STAT1: variants seen among roughly 807,000 people sequenced by gnomAD.
STAT1 encodes signal transducer and activator of transcription 1-alpha/beta.
In STAT1, 24 loss-of-function variants were observed where a neutral mutation model predicts 111.7. The ratio of observed to expected loss-of-function variants is 0.21; its 90% CI spans 0.16 to 0.30. The LOEUF (loss-of-function observed/expected upper bound fraction) is 0.30, where lower values mean the gene tolerates loss of function less well. STAT1 is among the 10% of genes least tolerant of loss of function. The probability of loss-of-function intolerance (pLI) is 1.00; values close to 1 mark genes in which losing one functional copy is unlikely to be tolerated. For missense variants in STAT1, 351 were observed against 911.9 expected, an observed-to-expected ratio of 0.38 and a Z score of 7.92; for synonymous variants, 332 against 326.5, an observed-to-expected ratio of 1.02 and a Z score of -0.18.
chr2:190,972,584 A>T (rs1249406239), intron 24 of STAT1, among the ~76,000 whole-genome samples: 2 of 152,096 alleles, frequency 1.3e-5, no homozygotes, highest in Non-Finnish European at 2.9e-5. Flanking sequence ...CAGAGTATAC[A>T]CTCTGATTCT....
rs1451739701 is a variant in STAT1 at position 191,010,013 on chromosome 2, A to G, written c.-1-9T>C. 1 of 1,613,652 alleles carries G rather than the reference A, an allele frequency of 6.2e-7. No homozygotes were observed. Among genetic ancestry groups the G allele is most frequent in the Non-Finnish European group, 8.5e-7 (1 of 1,179,670 alleles). Reference sequence around the variant, plus strand: ...CGTACCACTGAGACATCCTATAGGGAAAAAGAATATACATTCTTTCTATGT... The same window carrying G: ...CGTACCACTGAGACATCCTATAGGGGAAAAGAATATACATTCTTTCTATGT... On this transcript the variant is annotated splice_polypyrimidine_tract_variant and intron_variant, in intron 2 of 24. Coordinates refer to ENST00000361099, the MANE Select transcript of STAT1 (RefSeq NM_007315.4).
At position 191,007,266 on chromosome 2, in the gene STAT1, G is replaced by C. The variant is rs1403574469; in HGVS notation, c.372+297C>G. ...GGCCTTTCCTGACCCTGATCTAAAG[G>C]AACAACCCCACTCCCAGCCACTCCA... On this transcript the variant is annotated intron_variant, in intron 5 of 24. Coordinates refer to ENST00000361099, the MANE Select transcript of STAT1 (RefSeq NM_007315.4). This position sits in a 1 kb window ranked among gnomAD's most constrained non-coding sequence, Gnocchi z 4.2. 6.6e-6 allele frequency among the ~76,000 whole-genome samples: 1 copy of C among 152,016 alleles called. No homozygotes were observed. The highest frequency in any genetic ancestry group is 1.9e-4 in the East Asian group (1 of 5,192).
At chr2:191,009,349 A>G (rs1694952675) in intron 3 of STAT1, among the ~76,000 whole-genome samples, 1 of 152,236 alleles carries the variant, frequency 6.6e-6, no homozygotes, top group South Asian at 2.1e-4. Context: ...GTTCATGGTG[A>G]CTATCTCTGA....
rs1694818320 is a variant in STAT1, at chr2:191,007,783, T to A, written c.274-122A>T. The A allele has an allele frequency of 1.3e-6, 1 of 740,796 alleles. No homozygotes were observed. The highest frequency in any genetic ancestry group is 2.2e-5 in the Admixed American group (1 of 44,974). 45.9% of individuals were successfully genotyped at this position (740,796 alleles called of 1,614,324 possible). On this transcript the variant is annotated intron_variant, in intron 4 of 24. Coordinates refer to ENST00000361099, the MANE Select transcript of STAT1 (RefSeq NM_007315.4). The surrounding 1 kb of genome is among the most constrained non-coding windows in gnomAD (Gnocchi z 4.2). The stretch of plus-strand genomic sequence containing the variant: ...GAAACCTCATCTCTCATCTATTAAA[T>A]TCTATATAAGCTATGTTTGTTAAAA...
rs1234776852 is a variant in STAT1 at position 190,973,997 on chromosome 2, C to T, written c.2238+833G>A. Among the ~76,000 whole-genome samples, 3 of 152,082 alleles carry T rather than the reference C, an allele frequency of 2.0e-5. No homozygotes were observed. Among genetic ancestry groups the T allele is most frequent in the Admixed American group, 2.0e-4 (3 of 15,270 alleles). ...TGTTGAGCACCTACTTTTTGCCAGG[C>T]ACCGGGTATACAGTAAGGAAGAAAG... On this transcript the variant is annotated intron_variant, in intron 24 of 24. Transcript: ENST00000361099. The surrounding 1 kb of genome is among the most constrained non-coding windows in gnomAD (Gnocchi z 4.4).
In STAT1 at chr2:191,010,853, T is replaced by G. The variant is rs148972366; in HGVS notation, c.-1-849A>C. Among the ~76,000 whole-genome samples, 11 of 152,356 alleles carry G rather than the reference T, an allele frequency of 7.2e-5. No homozygotes were observed. In the East Asian group the frequency reaches 2.1e-3, roughly 29 times the overall value. Reference sequence around the variant, plus strand: ...AACTGTTAAGTCCATTTTTACATAGTGATCCTAAAGATTCAAAATCACAAC... The same window carrying G: ...AACTGTTAAGTCCATTTTTACATAGGGATCCTAAAGATTCAAAATCACAAC... On this transcript the variant is annotated intron_variant, in intron 2 of 24. Transcript: ENST00000361099.
At chr2:191,013,503 GA>G (rs781609481) in intron 2 of STAT1, 21 bp downstream of exon 2, 19 of 397,476 alleles carry the variant, frequency 4.8e-5, no homozygotes, top group Non-Finnish European at 8.4e-5. Context: ...TCATTCATCT[GA>G]TTCCATGAAC....
chr2:190,970,848 T>C lies in STAT1; in HGVS notation c.2239-131A>G, dbSNP rs1234176563. 4.3e-5 allele frequency: 38 copies of C among 881,064 alleles called. No homozygotes were observed. Among genetic ancestry groups the C allele is most frequent in the Non-Finnish European group, 5.9e-5 (32 of 540,774 alleles). The allele number at this position is 881,064 out of a possible 1,614,324, so 54.6% of individuals were successfully genotyped here. On this transcript the variant is annotated intron_variant, in intron 24 of 24. Transcript: ENST00000361099. The surrounding 1 kb of genome is among the most constrained non-coding windows in gnomAD (Gnocchi z 5.4). The stretch of plus-strand genomic sequence containing the variant: ...TACTTGCAATGGCAAATAAATACCG[T>C]GGAATAAGAGGGCCTTCAGCATGTA...
chr2:191,005,933 C>A lies in STAT1; in HGVS notation c.372+1630G>T, dbSNP rs1694655282. ...TGTCCTCTGAGAGGCTCAAAACAAT[C>A]CCCAGATTACCTACATTTTTAATGG... On this transcript the variant is annotated intron_variant, in intron 5 of 24. Coordinates refer to ENST00000361099, the MANE Select transcript of STAT1 (RefSeq NM_007315.4). Among the ~76,000 whole-genome samples, 6 of 152,254 alleles carry A rather than the reference C, an allele frequency of 3.9e-5. 1 individual carries two copies. In the South Asian group the frequency reaches 1.2e-3, roughly 32 times the overall value.
chr2:190,992,990 A>C (rs1422746089), intron 10 of STAT1: 2 of 257,162 alleles, frequency 7.8e-6, no homozygotes, highest in Non-Finnish European at 1.5e-5. Flanking sequence ...GGGTTTCATC[A>C]TGTTGGCCAG....
At position 191,003,586 on chromosome 2, in the gene STAT1, C is replaced by G. The variant is rs1694448250; in HGVS notation, c.373-2423G>C. Among the ~76,000 whole-genome samples the G allele has an allele frequency of 6.6e-6, 1 of 152,198 alleles. No homozygotes were observed. Among genetic ancestry groups the G allele is most frequent in the African/African-American group, 2.4e-5 (1 of 41,450 alleles). ...GTGGAGCACCTCTCCCCTGCTTCCT[C>G]CTGCTCTGGCCATGTGATATGTGTG... On this transcript the variant is annotated intron_variant, in intron 5 of 24. Coordinates refer to ENST00000361099, the MANE Select transcript of STAT1 (RefSeq NM_007315.4). This position sits in a 1 kb window ranked among gnomAD's most constrained non-coding sequence, Gnocchi z 4.0.
chr2:190,979,682 C>G lies in STAT1; in HGVS notation c.1727+90G>C. ...GCACTCCTGTGAGATTCACACACGC[C>G]TAGTCAAATACTGAAGCTGGACTCA... On this transcript the variant is annotated intron_variant, in intron 20 of 24. Transcript: ENST00000361099. The surrounding 1 kb of genome is among the most constrained non-coding windows in gnomAD (Gnocchi z 5.8). 9.6e-7 allele frequency: 1 copy of G among 1,041,778 alleles called. No individual in the cohort carries two copies. The highest frequency in any genetic ancestry group is 1.5e-6 in the Non-Finnish European group (1 of 662,792). The allele number at this position is 1,041,778 out of a possible 1,614,324, so 64.5% of individuals were successfully genotyped here.
chr2:190,990,730 C>G lies in STAT1; in HGVS notation c.1037+498G>C, dbSNP rs1051040321. ...ATATTTGTGTAGACATGGACAAAAT[C>G]CTGGGAGGACAGACACTAGGCCATT... On this transcript the variant is annotated intron_variant, in intron 11 of 24. Coordinates refer to ENST00000361099, the MANE Select transcript of STAT1 (RefSeq NM_007315.4). This position sits in a 1 kb window ranked among gnomAD's most constrained non-coding sequence, Gnocchi z 5.1. Among the ~76,000 whole-genome samples, 5 of 152,090 alleles carry G rather than the reference C, an allele frequency of 3.3e-5. No individual in the cohort carries two copies. The highest frequency in any genetic ancestry group is 1.2e-4 in the African/African-American group (5 of 41,400).
rs149091162 is a variant in STAT1, at chr2:190,997,099, G to A, written c.785+757C>T. Among the ~76,000 whole-genome samples the A allele has an allele frequency of 1.0e-3, 154 of 152,236 alleles. No individual in the cohort carries two copies. In the Middle Eastern group the frequency reaches 0.01, roughly 10 times the overall value. Reference sequence around the variant, plus strand: ...GGTCCACTTTCCTTCCCATCTCCCTGGACACCCCACTCTCCAGCCACCCAA... The same window carrying A: ...GGTCCACTTTCCTTCCCATCTCCCTAGACACCCCACTCTCCAGCCACCCAA... On this transcript the variant is annotated intron_variant, in intron 9 of 24. Coordinates refer to ENST00000361099, the MANE Select transcript of STAT1 (RefSeq NM_007315.4). The surrounding 1 kb of genome is among the most constrained non-coding windows in gnomAD (Gnocchi z 7.3).
In STAT1 at chr2:191,000,062, C is replaced by A. The variant is rs967516045; in HGVS notation, c.463-358G>T. Among the ~76,000 whole-genome samples, 1 of 152,192 alleles carries A rather than the reference C, an allele frequency of 6.6e-6. No homozygotes were observed. Among genetic ancestry groups the A allele is most frequent in the Non-Finnish European group, 1.5e-5 (1 of 68,032 alleles). Reference sequence around the variant, plus strand: ...CCACAGCAGGCGGGGAAAAAGCTCACAGAAAATTTCCTCATTCCTTCCAAG... The same window carrying A: ...CCACAGCAGGCGGGGAAAAAGCTCAAAGAAAATTTCCTCATTCCTTCCAAG... On this transcript the variant is annotated intron_variant, in intron 6 of 24. Coordinates refer to ENST00000361099, the MANE Select transcript of STAT1 (RefSeq NM_007315.4). This position sits in a 1 kb window ranked among gnomAD's most constrained non-coding sequence, Gnocchi z 4.8.
rs1691966644 is a variant in STAT1 at position 190,977,123 on chromosome 2, C to A, written c.1874-98G>T. 4.4e-6 allele frequency: 5 copies of A among 1,130,294 alleles called. No individual in the cohort carries two copies. The highest frequency in any genetic ancestry group is 4.0e-6 in the Non-Finnish European group (3 of 749,200). The allele number at this position is 1,130,294 out of a possible 1,614,324, so 70.0% of individuals were successfully genotyped here. ...GCAGAGTTGATGGATTTGAGTGAAC[C>A]TCATAAGAACTAATCACAATCTAAG... On this transcript the variant is annotated intron_variant, in intron 21 of 24. Transcript: ENST00000361099. This position sits in a 1 kb window ranked among gnomAD's most constrained non-coding sequence, Gnocchi z 4.7.
At chr2:190,992,752 C>A in intron 10 of STAT1, 1 of 830,326 alleles carries the variant, frequency 1.2e-6, no homozygotes, top group Non-Finnish European at 1.7e-6. Flanking sequence ...ATCTCAGCTG[C>A]CATCATCATG....
In STAT1 at chr2:190,978,467, G is replaced by A. The variant is rs933146982; in HGVS notation, c.1873+389C>T. 1.7e-5 allele frequency: 5 copies of A among 301,934 alleles called. No homozygotes were observed. Among genetic ancestry groups the A allele is most frequent in the East Asian group, 1.6e-4 (2 of 12,838 alleles). 18.7% of individuals were successfully genotyped at this position (301,934 alleles called of 1,614,324 possible). On this transcript the variant is annotated intron_variant, in intron 21 of 24. Coordinates refer to ENST00000361099, the MANE Select transcript of STAT1 (RefSeq NM_007315.4). The surrounding 1 kb of genome is among the most constrained non-coding windows in gnomAD (Gnocchi z 6.1). ...GATGATGTGTATGAAGTCTTCTCCC[G>A]AAGCCTGTCTCATCTGCACACTCTA...
At chr2:191,009,849 T>G in intron 3 of STAT1, 27 bp downstream of exon 3, 1 of 1,613,216 alleles carries the variant, frequency 6.2e-7, no homozygotes, top group South Asian at 1.1e-5. Context: ...TGTAAACTTC[T>G]TCTTCTGTCT....
Sources: allele counts gnomAD v4.1 joint callset (sites outside exome capture counted in the v4.1 genomes callset), GRCh38; gene constraint gnomAD v4.1.1; non-coding constraint Gnocchi (gnomAD v3.1); transcripts MANE v1.5; gene names NCBI Gene and HGNC (gene_info 2026-07-23, HGNC 2026-07-21).